EYS: variants seen among roughly 807,000 people sequenced by gnomAD.
The protein encoded by EYS is protein eyes shut homolog.
Under a neutral mutation model 282.1 loss-of-function variants are expected in EYS, and 250 were observed. That is an observed-to-expected ratio of 0.89 (90% confidence interval 0.80 to 0.98). The LOEUF (loss-of-function observed/expected upper bound fraction) is 0.98, where lower values mean the gene tolerates loss of function less well. Among genes scored for constraint, EYS ranks in the 50% least tolerant of loss-of-function variants. The pLI is 0.00. For synonymous variants in EYS, 1,355 were observed against 1,282.9 expected, an observed-to-expected ratio of 1.06 and a Z score of -1.20; for missense variants, 4,016 against 3,709.0, an observed-to-expected ratio of 1.08 and a Z score of -2.15.
At chr6:64,216,960 C>G (rs186002968) in intron 31 of EYS, among the ~76,000 whole-genome samples, 53 of 152,250 alleles carry the variant, frequency 3.5e-4, no homozygotes, top group African/African-American at 1.1e-3. Context: ...CACTCCCAGT[C>G]TTTTTCAATA....
At chr6:65,334,932 A>G (rs201779224) in intron 11 of EYS, 48 bp downstream of exon 11, 1 of 1,541,350 alleles carries the variant, frequency 6.5e-7, no homozygotes, top group Non-Finnish European at 8.9e-7. Context: ...CAATTTAATT[A>G]TAACTTTTTG....
chr6:64,455,763 T>G (rs1775539497), intron 26 of EYS, among the ~76,000 whole-genome samples: 1 of 150,702 alleles, frequency 6.6e-6, no homozygotes, highest in South Asian at 2.1e-4. Context: ...CTTCATCCAT[T>G]TCCCTGCAAA....
At chr6:65,610,696 C>T (rs550643979) in intron 2 of EYS, among the ~76,000 whole-genome samples, 14 of 152,148 alleles carry the variant, frequency 9.2e-5, no homozygotes, top group East Asian at 7.7e-4. Context: ...GTTTTATTAA[C>T]GGATTAATTT....
chr6:63,758,507 G>T (rs1769552513), intron 41 of EYS, among the ~76,000 whole-genome samples: 1 of 151,750 alleles, frequency 6.6e-6, no homozygotes, highest in African/African-American at 2.4e-5. Context: ...TATATGCTAG[G>T]CACTGTGGAG....
chr6:64,037,275 T>G (rs1235783478), intron 33 of EYS, among the ~76,000 whole-genome samples: 4 of 152,178 alleles, frequency 2.6e-5, no homozygotes, highest in African/African-American at 4.8e-5. Flanking sequence ...TTTAACCACA[T>G]TATACATTAA....
intron 1 of EYS, among the ~76,000 whole-genome samples, chr6:65,659,701 CT>C (rs769362): frequency 0.13 from 20,174 of 151,676 alleles, 1,517 homozygotes; most frequent in South Asian, 0.29. Flanking sequence ...GCTATGCTTT[CT>C]ATTTCTTTTT....
intron 12 of EYS, among the ~76,000 whole-genome samples, chr6:65,206,894 T>G (rs1339136963): frequency 1.3e-5 from 2 of 151,906 alleles, no homozygotes; most frequent in Non-Finnish European, 2.9e-5. Flanking sequence ...AAGAGCCATA[T>G]GTGACAAACC....
At chr6:65,389,588 T>C (rs1765932484) in intron 7 of EYS, among the ~76,000 whole-genome samples, 1 of 152,118 alleles carries the variant, frequency 6.6e-6, no homozygotes, top group African/African-American at 2.4e-5. Flanking sequence ...TTAACATTCC[T>C]AATGATAAAA....
At chr6:64,565,742 A>T (rs2149814504) in intron 26 of EYS, among the ~76,000 whole-genome samples, 1 of 152,276 alleles carries the variant, frequency 6.6e-6, no homozygotes, top group South Asian at 2.1e-4. Flanking sequence ...AAATTTGCTA[A>T]GAGTATATAA....
At chr6:64,636,295 A>G (rs1277585780) in intron 22 of EYS, among the ~76,000 whole-genome samples, 1 of 152,190 alleles carries the variant, frequency 6.6e-6, no homozygotes, top group African/African-American at 2.4e-5. Flanking sequence ...ACATATCTAC[A>G]ACCATCTGAT....
chr6:65,580,193 G>A (rs1295444846), intron 2 of EYS, among the ~76,000 whole-genome samples: 1 of 152,096 alleles, frequency 6.6e-6, no homozygotes, highest in Non-Finnish European at 1.5e-5. Flanking sequence ...AAATCAACAA[G>A]TATATTCCAA....
chr6:64,474,101 G>A (rs565797942), intron 26 of EYS, among the ~76,000 whole-genome samples: 1 of 152,050 alleles, frequency 6.6e-6, no homozygotes, highest in Admixed American at 6.5e-5. Context: ...TCCAGAGCCC[G>A]GTAAATATCT....
chr6:65,097,681 G>A (rs1308587690), intron 12 of EYS, among the ~76,000 whole-genome samples: 1 of 150,720 alleles, frequency 6.6e-6, no homozygotes, highest in Non-Finnish European at 1.5e-5. Context: ...GAAGAAGAAG[G>A]AAGTCTTGCT....
chr6:64,026,302 T>C (rs1329256257), intron 33 of EYS, among the ~76,000 whole-genome samples: 6 of 152,126 alleles, frequency 3.9e-5, no homozygotes, highest in Admixed American at 3.9e-4. Context: ...TTGTGGGTTC[T>C]TGGGCAGGGG....
chr6:63,949,363 G>T (rs1223080577), intron 35 of EYS, among the ~76,000 whole-genome samples: 2 of 151,952 alleles, frequency 1.3e-5, no homozygotes, highest in African/African-American at 4.8e-5. Flanking sequence ...AATTTTCTAG[G>T]TTATCTTCCT....
intron 1 of EYS, among the ~76,000 whole-genome samples, chr6:65,670,342 G>A (rs964364748): frequency 2.6e-5 from 4 of 151,940 alleles, no homozygotes; most frequent in African/African-American, 9.7e-5. Flanking sequence ...TTATCTCTTT[G>A]GGTTTAGGGG....
intron 12 of EYS, among the ~76,000 whole-genome samples, chr6:65,177,440 A>G (rs1765253212): frequency 6.6e-6 from 1 of 151,872 alleles, no homozygotes; most frequent in East Asian, 1.9e-4. Context: ...TAATTTGCCA[A>G]TTAAGTGTTT....
intron 8 of EYS, among the ~76,000 whole-genome samples, chr6:65,360,061 T>C (rs768983924): frequency 2.6e-5 from 4 of 152,002 alleles, no homozygotes; most frequent in Non-Finnish European, 5.9e-5. Flanking sequence ...GAAGTTTTAA[T>C]TGACACATAA....
At chr6:64,728,324 T>C (rs997282901) in intron 22 of EYS, among the ~76,000 whole-genome samples, 2 of 152,158 alleles carry the variant, frequency 1.3e-5, no homozygotes, top group Non-Finnish European at 2.9e-5. Flanking sequence ...TCAATGTTTC[T>C]TCTCTTTTTA....
Sources: allele counts gnomAD v4.1 joint callset (sites outside exome capture counted in the v4.1 genomes callset), GRCh38; gene constraint gnomAD v4.1.1; transcripts MANE v1.5; gene names NCBI Gene and HGNC (gene_info 2026-07-23, HGNC 2026-07-21).